The following NCOA1 variants were observed in gnomAD, a reference collection of about 807,000 sequenced individuals.
NCOA1 encodes the protein Hin-2 protein.
A neutral mutation model predicts 150.9 loss-of-function variants in NCOA1; 35 were observed. The ratio of observed to expected loss-of-function variants is 0.23; its 90% CI spans 0.18 to 0.31. The LOEUF (loss-of-function observed/expected upper bound fraction) is 0.31, where lower values mean the gene tolerates loss of function less well. Ranked by LOEUF, NCOA1 falls within the 10% of genes least tolerant of loss-of-function variation. NCOA1 has a pLI of 1.00. For missense variants in NCOA1, 1,491 were observed against 1,749.3 expected (o/e 0.85, Z 2.63); for synonymous variants, 590 against 630.0 (o/e 0.94, Z 0.95).
chr2:24,559,321 A>T (rs80011678), intron 1 of NCOA1, among the ~76,000 whole-genome samples: 6,018 of 152,118 alleles, frequency 0.04, 139 homozygotes, highest in East Asian at 0.11. Context: ...CACAAGCTTC[A>T]TATTTCTCCA....
At chr2:24,674,012 T>C (rs1013700877) in intron 7 of NCOA1, among the ~76,000 whole-genome samples, 12 of 147,758 alleles carry the variant, frequency 8.1e-5, no homozygotes, top group African/African-American at 2.7e-4. Context: ...CCCTGCATTT[T>C]CTATCTAATC....
At chr2:24,752,197 T>C in intron 20 of NCOA1, 41 bp downstream of exon 20, 3 of 1,589,436 alleles carry the variant, frequency 1.9e-6, no homozygotes, top group African/African-American at 1.3e-5. Flanking sequence ...CTTGATACTG[T>C]GATAAATCCT....
At chr2:24,636,363 T>C (rs770003488) in intron 3 of NCOA1, among the ~76,000 whole-genome samples, 1 of 152,180 alleles carries the variant, frequency 6.6e-6, no homozygotes, top group Non-Finnish European at 1.5e-5. Flanking sequence ...TGTTTTTAAA[T>C]GTTATTTTCC....
At chr2:24,763,051 T>C (rs908145384) in intron 22 of NCOA1, among the ~76,000 whole-genome samples, 6 of 152,302 alleles carry the variant, frequency 3.9e-5, no homozygotes, top group Middle Eastern at 3.4e-3. Context: ...TAGGATAAAG[T>C]GATCACAAAT....
intron 8 of NCOA1, among the ~76,000 whole-genome samples, chr2:24,688,062 A>G (rs527759430): frequency 3.3e-5 from 5 of 152,266 alleles, no homozygotes; most frequent in South Asian, 4.1e-4. Flanking sequence ...ATTTCCATCC[A>G]TGTTCCTGCA....
At chr2:24,757,897 T>G in intron 20 of NCOA1, 76 bp from the exon 21 acceptor site, 1 of 1,419,300 alleles carries the variant, frequency 7.0e-7, no homozygotes, top group South Asian at 1.3e-5. Context: ...CATATTTTAT[T>G]TGGAAACAGA....
chr2:24,554,146 TA>T (rs1665973071), intron 1 of NCOA1, among the ~76,000 whole-genome samples: 1 of 152,162 alleles, frequency 6.6e-6, no homozygotes, highest in African/African-American at 2.4e-5. Context: ...TTCAAAGAAT[TA>T]GATTTGTGTT....
At chr2:24,527,801 C>A (rs1010084031) in intron 1 of NCOA1, among the ~76,000 whole-genome samples, 1 of 152,170 alleles carries the variant, frequency 6.6e-6, no homozygotes. Context: ...ACAAAGGTTC[C>A]CTTTTCTCCA....
intron 1 of NCOA1, among the ~76,000 whole-genome samples, chr2:24,503,829 G>A (rs1663573151): frequency 1.3e-5 from 2 of 151,560 alleles, no homozygotes; most frequent in African/African-American, 4.8e-5. Context: ...CTGTCTCCTG[G>A]GTTCAAGCGA....
chr2:24,654,981 AC>A (rs1670868757), intron 4 of NCOA1, among the ~76,000 whole-genome samples: 1 of 151,828 alleles, frequency 6.6e-6, no homozygotes, highest in African/African-American at 2.4e-5. Context: ...ACTTCCACAT[AC>A]CTAAGCCTCT....
chr2:24,585,122 C>T lies in NCOA1; in HGVS notation c.-175+562C>T, dbSNP rs537435461. ...TCCTCATTGTCAGCAAGTGAGCATG[C>T]CTGCTTCACCACATTATCCCATTGG... On this transcript the variant is annotated intron_variant, in intron 3 of 22. Coordinates refer to ENST00000348332, the MANE Select transcript of NCOA1 (RefSeq NM_003743.5). Among the ~76,000 whole-genome samples the T allele has an allele frequency of 3.0e-4, 46 of 152,250 alleles. 1 individual carries two copies. In the South Asian group the frequency reaches 8.9e-3, roughly 29 times the overall value.
intron 3 of NCOA1, among the ~76,000 whole-genome samples, chr2:24,615,358 G>A (rs1242023249): frequency 6.6e-6 from 1 of 152,132 alleles, no homozygotes; most frequent in Non-Finnish European, 1.5e-5. Context: ...TTATTATTTT[G>A]TTGGTAAAGG....
chr2:24,541,691 C>A (rs1218848086), intron 1 of NCOA1, among the ~76,000 whole-genome samples: 1 of 152,192 alleles, frequency 6.6e-6, no homozygotes, highest in Non-Finnish European at 1.5e-5. Flanking sequence ...AAGATTTTAA[C>A]ACTGATCTAA....
intron 1 of NCOA1, among the ~76,000 whole-genome samples, chr2:24,542,959 C>G (rs1246145316): frequency 1.3e-5 from 2 of 152,248 alleles, no homozygotes; most frequent in South Asian, 2.1e-4. Context: ...AATGGAAACT[C>G]AAAAGTATTT....
intron 3 of NCOA1, among the ~76,000 whole-genome samples, chr2:24,612,280 A>G (rs1281458015): frequency 6.6e-6 from 1 of 152,192 alleles, no homozygotes; most frequent in Non-Finnish European, 1.5e-5. Context: ...TGCTAGCCTG[A>G]TGGGATTTCC....
At chr2:24,710,037 T>A (rs1323849425) in intron 13 of NCOA1, among the ~76,000 whole-genome samples, 1 of 152,068 alleles carries the variant, frequency 6.6e-6, no homozygotes, top group Non-Finnish European at 1.5e-5. Flanking sequence ...CTACATAACC[T>A]AAGACAGATG....
At position 24,561,953 on chromosome 2, in the gene NCOA1, A is replaced by G. The variant is rs181577538; in HGVS notation, c.-395-2342A>G. On this transcript the variant is annotated intron_variant, in intron 1 of 22. Transcript: ENST00000348332. ...GAGAATACCTTAATGTTGCTAGGAAAAACTGGTTGGTAATTTGAAATGCAG... is the reference window on the plus strand; with the variant it reads ...GAGAATACCTTAATGTTGCTAGGAAGAACTGGTTGGTAATTTGAAATGCAG... 1.9e-3 allele frequency among the ~76,000 whole-genome samples: 288 copies of G among 152,310 alleles called. 1 individual carries two copies. The highest frequency in any genetic ancestry group is 6.9e-3 in the African/African-American group (286 of 41,576).
chr2:24,668,848 G>C (rs894438141), intron 6 of NCOA1, among the ~76,000 whole-genome samples: 1 of 151,778 alleles, frequency 6.6e-6, no homozygotes, highest in Non-Finnish European at 1.5e-5. Context: ...TGACTGAATC[G>C]AGATGAATTT....
intron 13 of NCOA1, 103 bp downstream of exon 13, chr2:24,707,991 T>TC: frequency 7.3e-7 from 1 of 1,372,708 alleles, no homozygotes; most frequent in South Asian, 1.6e-5. Flanking sequence ...CTATGTTTTA[T>TC]CCTATCCATT....
Sources: gnomAD v4.1 joint callset for allele counts (sites outside exome capture counted in the v4.1 genomes callset) on GRCh38, gnomAD v4.1.1 for gene constraint, MANE v1.5 for transcripts, NCBI Gene and HGNC (gene_info 2026-07-23, HGNC 2026-07-21) for gene names.